Variants in PHF20L1 observed in about 807,000 individuals in gnomAD.
The protein encoded by PHF20L1 is PHD finger protein 20 like 1, also known as PHD finger protein 20-like protein 1.
PHF20L1 carries 44 observed loss-of-function variants against 125.5 expected under a neutral mutation model. The ratio of observed to expected loss-of-function variants is 0.35; its 90% CI spans 0.28 to 0.45. PHF20L1 has a LOEUF of 0.45. PHF20L1 is among the 20% of genes least tolerant of loss of function. The pLI, the probability that PHF20L1 is intolerant of heterozygous loss-of-function variation, is 1.00. For missense variants in PHF20L1, 1,012 were observed against 1,217.2 expected (o/e 0.83, Z 2.51); for synonymous variants, 380 against 403.1 (o/e 0.94, Z 0.69).
At chr8:132,812,046 C>T (rs1834449416) in intron 9 of PHF20L1, 1 of 983,666 alleles carries the variant, frequency 1.0e-6, no homozygotes, top group South Asian at 4.7e-5. Context: ...GTTTTGGTGC[C>T]TCCATTAATG....
At position 132,839,678 on chromosome 8, in the gene PHF20L1, G is replaced by A. The variant is rs891389191; in HGVS notation, c.2387+96G>A. On this transcript the variant is annotated intron_variant, in intron 18 of 20. Coordinates refer to ENST00000395386, the MANE Select transcript of PHF20L1 (RefSeq NM_016018.5). ...TTTTGATGGTCCAGAGTAACAGTTT[G>A]GAGGAGAGAACAGGTATTTGAATAA... is the stretch of plus-strand genomic sequence containing the variant. The A allele has an allele frequency of 2.6e-5, 21 of 798,084 alleles. No homozygotes were observed. The African/African-American group carries it at 3.7e-4, about 14-fold the overall frequency. 49.4% of individuals were successfully genotyped at this position (798,084 alleles called of 1,614,324 possible). A position where few individuals can be genotyped will look rare whatever the true frequency, so the allele number is the denominator to read the frequency against.
At chr8:132,785,089 C>T (rs757556681) in intron 2 of PHF20L1, among the ~76,000 whole-genome samples, 21 of 152,012 alleles carry the variant, frequency 1.4e-4, no homozygotes, top group African/African-American at 4.8e-5. Context: ...TGTGTGTGAT[C>T]GTATAGTGGC....
chr8:132,788,220 A>T (rs1197685989), intron 2 of PHF20L1, among the ~76,000 whole-genome samples: 1 of 152,110 alleles, frequency 6.6e-6, no homozygotes, highest in Non-Finnish European at 1.5e-5. Flanking sequence ...GAATTGTGTT[A>T]ACTTACTTGA....
chr8:132,816,934 G>A lies in PHF20L1; in HGVS notation c.1230G>A (p.Glu410=), dbSNP rs1835052157. The A allele has an allele frequency of 6.2e-7, 1 of 1,612,158 alleles. No homozygotes were observed. The highest frequency in any genetic ancestry group is 1.3e-5 in the African/African-American group (1 of 74,732). Residue 410 remains glutamate, a synonymous_variant, in exon 11 of 21, where the codon GAG becomes GAA. Transcript: ENST00000395386. ...VNPPRPFKHS[E]RRRRSQRLAT... ...CCCCTAGACCTTTCAAGCATAGTGA[G>A]CGGAGAAGAAGATCTCAGCGTTTAG...
At chr8:132,838,698 T>G (rs1837627947) in intron 17 of PHF20L1, 1 of 152,196 alleles carries the variant, frequency 6.6e-6, no homozygotes, top group Admixed American at 6.5e-5. Context: ...CACAGCCATA[T>G]GAATGTAGAC....
In PHF20L1 at chr8:132,845,930, T is replaced by C. The variant is rs780453534; in HGVS notation, c.*7T>C. On this transcript the variant is annotated 3_prime_UTR_variant, in exon 21 of 21. Transcript: ENST00000395386. ...AACTCTTTGCTCTGTATGACAACAG[T>C]GAACACTTAATGAAAGAATGTGGCT... 1 of 1,606,532 alleles carries C rather than the reference T, an allele frequency of 6.2e-7. No individual in the cohort carries two copies. The highest frequency in any genetic ancestry group is 8.5e-7 in the Non-Finnish European group (1 of 1,174,648).
chr8:132,842,443 G>C, intron 18 of PHF20L1, 72 bp from the exon 19 acceptor site: 1 of 1,375,972 alleles, frequency 7.3e-7, no homozygotes, highest in African/African-American at 1.5e-5. Flanking sequence ...TTCTGAAATA[G>C]ATCATTGTAT....
At position 132,825,301 on chromosome 8, in the gene PHF20L1, G is replaced by A. The variant is rs1266653933; in HGVS notation, c.1674G>A (p.Lys558=). 6.5e-7 allele frequency: 1 copy of A among 1,533,944 alleles called. No individual in the cohort carries two copies. Among genetic ancestry groups the A allele is most frequent in the Admixed American group, 1.7e-5 (1 of 57,898 alleles). The change falls in exon 14 of 21, where the codon AAG becomes AAA. Residue 558 remains lysine (K), a synonymous_variant. Transcript: ENST00000395386. ...AAAAAGATAAGGAAAGAAGAGAGAAGAGAGACAAAGATCACTACAGACCAA... is the reference window on the plus strand; with the variant it reads ...AAAAAGATAAGGAAAGAAGAGAGAAAAGAGACAAAGATCACTACAGACCAA... ...RKEKDKERRE[K]RDKDHYRPKQ... is the part of the protein sequence containing the mutation.
At chr8:132,823,201 G>A (rs928765306) in intron 12 of PHF20L1, among the ~76,000 whole-genome samples, 6 of 151,964 alleles carry the variant, frequency 3.9e-5, no homozygotes, top group African/African-American at 1.4e-4. Context: ...TTGCAGAACA[G>A]TTTTATTTTG....
intron 2 of PHF20L1, among the ~76,000 whole-genome samples, chr8:132,780,958 C>T (rs995329546): frequency 6.6e-6 from 1 of 151,186 alleles, no homozygotes. Context: ...TATCCTGCCA[C>T]CTCAGCCTCT....
intron 6 of PHF20L1, among the ~76,000 whole-genome samples, chr8:132,803,320 A>C (rs1237514809): frequency 6.6e-6 from 1 of 151,866 alleles, no homozygotes; most frequent in Admixed American, 6.6e-5. Flanking sequence ...GATTTCTATG[A>C]GATTGACTAT....
At chr8:132,812,307 G>T in intron 9 of PHF20L1, 1 of 984,930 alleles carries the variant, frequency 1.0e-6, no homozygotes, top group African/African-American at 1.7e-5. Flanking sequence ...AAATGTTTCT[G>T]GAAAATTCAT....
At chr8:132,824,163 G>A (rs558437729) in intron 13 of PHF20L1, 103 bp downstream of exon 13, 17 of 673,798 alleles carry the variant, frequency 2.5e-5, no homozygotes, top group Non-Finnish European at 4.1e-5. Flanking sequence ...TACCTTAGGT[G>A]TAAGTGATCA....
At chr8:132,812,810 G>A in intron 9 of PHF20L1, 1 of 982,934 alleles carries the variant, frequency 1.0e-6, no homozygotes, top group African/African-American at 1.7e-5. Flanking sequence ...TTCCTAATGA[G>A]TTAAAGTAAT....
intron 4 of PHF20L1, 44 bp from the exon 5 acceptor site, chr8:132,798,728 C>A: frequency 1.6e-6 from 2 of 1,286,056 alleles, no homozygotes; most frequent in Non-Finnish European, 2.2e-6. Flanking sequence ...TTGCTGTAAA[C>A]TTGAATTATA....
chr8:132,839,638 C>A (rs1471691169), intron 18 of PHF20L1, 56 bp downstream of exon 18: 3 of 1,263,732 alleles, frequency 2.4e-6, no homozygotes, highest in South Asian at 2.5e-5. Context: ...TTAATTCAAA[C>A]CAACACTGTT....
chr8:132,812,025 A>G (rs1282115950), intron 9 of PHF20L1: 2 of 984,126 alleles, frequency 2.0e-6, no homozygotes, highest in African/African-American at 1.7e-5. Flanking sequence ...CTGATTTGAT[A>G]ACAATGCGTT....
chr8:132,790,523 C>T (rs1016552586), intron 2 of PHF20L1, among the ~76,000 whole-genome samples: 1 of 152,176 alleles, frequency 6.6e-6, no homozygotes, highest in African/African-American at 2.4e-5. Context: ...CAAGTTTCAA[C>T]CAGGCTAACA....
chr8:132,803,901 G>T lies in PHF20L1; in HGVS notation c.590G>T (p.Ser197Ile). The change falls in exon 7 of 21, where the codon AGC becomes ATC. Residue 197 changes from serine to isoleucine, a missense_variant. Transcript: ENST00000395386. ...AGTAAACCTCGAACCAGCGCTAACAGCAATAAAGATAAGGATAAAGATGAG... is the reference window on the plus strand; with the variant it reads ...AGTAAACCTCGAACCAGCGCTAACATCAATAAAGATAAGGATAAAGATGAG... ...TGSKPRTSAN[S>I]NKDKDKDERK... The T allele has an allele frequency of 1.2e-6, 2 of 1,610,708 alleles. No individual in the cohort carries two copies. Among genetic ancestry groups the T allele is most frequent in the Non-Finnish European group, 1.7e-6 (2 of 1,177,640 alleles).
Sources: allele counts gnomAD v4.1 joint callset (sites outside exome capture counted in the v4.1 genomes callset), GRCh38; gene constraint gnomAD v4.1.1; transcripts MANE v1.5; gene names NCBI Gene and HGNC (gene_info 2026-07-23, HGNC 2026-07-21).